Variants in SLC35F5 observed in about 807,000 individuals in gnomAD.
SLC35F5 encodes HCV NS5A-transactivated protein 3.
A neutral mutation model predicts 68.6 loss-of-function variants in SLC35F5; 54 were observed. The observed-to-expected ratio is 0.79, with a 90% CI of 0.63 to 0.99. The LOEUF is 0.99. SLC35F5 is among the 50% of genes least tolerant of loss of function. The pLI is 0.00. For synonymous variants in SLC35F5, 211 were observed against 205.2 expected, an observed-to-expected ratio of 1.03 and a Z score of -0.24; for missense variants, 567 against 626.9, an observed-to-expected ratio of 0.90 and a Z score of 1.02.
chr2:113,737,477 G>A (rs757612516), intron 7 of SLC35F5, among the ~76,000 whole-genome samples: 28 of 152,160 alleles, frequency 1.8e-4, no homozygotes, highest in Non-Finnish European at 3.7e-4. Context: ...TCTGCATGCC[G>A]ATGAAGTGCT....
Position 113,717,852 on chromosome 2 carries a change from T to C in SLC35F5, c.1497-2A>G. On this transcript the variant is annotated splice_acceptor_variant, in intron 14 of 15. Coordinates refer to ENST00000245680, the MANE Select transcript of SLC35F5 (RefSeq NM_025181.5). LOFTEE classifies it high-confidence loss of function. The stretch of plus-strand genomic sequence containing the variant: ...CACTGTTCGCTGTCTTCTGGAACTC[T>C]TAAGAAAAAAAAAAGCAGTAATTAA... 1.3e-6 allele frequency: 2 copies of C among 1,597,306 alleles called. No individual in the cohort carries two copies. Among genetic ancestry groups the C allele is most frequent in the Non-Finnish European group, 1.7e-6 (2 of 1,172,390 alleles).
intron 10 of SLC35F5, among the ~76,000 whole-genome samples, 174 bp from the exon 11 acceptor site, chr2:113,729,679 C>T (rs1277246154): frequency 6.6e-6 from 1 of 152,096 alleles, no homozygotes; most frequent in African/African-American, 2.4e-5. Flanking sequence ...GTATAGCCTA[C>T]CCCATCCAAG....
At chr2:113,705,645 TTAG>T (rs1377650254), downstream of SLC35F5, 1 of 152,166 alleles carries the variant, frequency 6.6e-6, no homozygotes, top group East Asian at 1.9e-4. Flanking sequence ...TTCAAAATAA[TTAG>T]TAGATGAAGA....
chr2:113,719,352 T>C (rs1189323315), intron 13 of SLC35F5, 44 bp from the exon 14 acceptor site: 6 of 1,494,914 alleles, frequency 4.0e-6, no homozygotes, highest in Non-Finnish European at 4.4e-6. Context: ...ACAATTATCA[T>C]TAAGGCAATT....
In SLC35F5 at chr2:113,750,435, T is replaced by G. The variant is rs1390668273; in HGVS notation, c.407A>C (p.His136Pro). The change falls in exon 4 of 16, where the codon CAT becomes CCT. Residue 136 changes from histidine (H) to proline (P), a missense_variant. By Grantham distance (77) the His-to-Pro change is moderately conservative. Transcript: ENST00000245680. ...QQCTRGLRGKHAAFFADAEGY... is the reference protein window; with the variant it reads ...QQCTRGLRGKPAAFFADAEGY... The stretch of plus-strand genomic sequence containing the variant: ...AAATTAAAAACTTACAAAAGCAGCA[T>G]GCTTTCCGCGAAGTCCTCTTGTACA... The G allele has an allele frequency of 2.5e-6, 4 of 1,598,998 alleles. No homozygotes were observed. The highest frequency in any genetic ancestry group is 3.4e-6 in the Non-Finnish European group (4 of 1,173,754).
At chr2:113,746,479 C>T in intron 4 of SLC35F5, 140 bp from the exon 5 acceptor site, 1 of 635,776 alleles carries the variant, frequency 1.6e-6, no homozygotes, top group Admixed American at 2.3e-5. Context: ...ATAATAGCAG[C>T]TAATGCCACA....
rs1478496318 is a variant in SLC35F5 at position 113,711,935 on chromosome 2, T to C, written c.*3283A>G. On this transcript the variant is annotated 3_prime_UTR_variant, in exon 16 of 16. Coordinates refer to ENST00000245680, the MANE Select transcript of SLC35F5 (RefSeq NM_025181.5). ...TTTCTTCAACCAGCACACTGAGGAT[T>C]AGTGCTATGGGTATTACCACAGTGC... 6.6e-6 allele frequency among the ~76,000 whole-genome samples: 1 copy of C among 152,226 alleles called. No individual in the cohort carries two copies. The highest frequency in any genetic ancestry group is 2.4e-5 in the African/African-American group (1 of 41,458).
At position 113,712,795 on chromosome 2, in the gene SLC35F5, T is replaced by A. The variant is rs1480425883; in HGVS notation, c.*2423A>T. 2 of 152,228 alleles carry A rather than the reference T, an allele frequency of 1.3e-5. No homozygotes were observed. Among genetic ancestry groups the A allele is most frequent in the African/African-American group, 4.8e-5 (2 of 41,470 alleles). 9.4% of individuals were successfully genotyped at this position (152,228 alleles called of 1,614,324 possible). A position where few individuals can be genotyped will look rare whatever the true frequency, so the allele number is the denominator to read the frequency against. On this transcript the variant is annotated 3_prime_UTR_variant, in exon 16 of 16. Transcript: ENST00000245680. ...AAAGAAAAGAAGGAGACTGAAAAGA[T>A]ATCAGAAATTTCTATTTGTTTTTAG...
chr2:113,725,090 T>C (rs1251371767), intron 12 of SLC35F5, among the ~76,000 whole-genome samples: 1 of 152,204 alleles, frequency 6.6e-6, no homozygotes, highest in Non-Finnish European at 1.5e-5. Flanking sequence ...TTCATTTGCA[T>C]AACACTCCAC....
chr2:113,751,915 T>TA (rs1224015211), intron 3 of SLC35F5, among the ~76,000 whole-genome samples: 3 of 150,444 alleles, frequency 2.0e-5, no homozygotes, highest in East Asian at 4.0e-4. Context: ...AAGAAAATGT[T>TA]AAAGATTAAT....
rs1260693096 is a variant in SLC35F5 at position 113,742,766 on chromosome 2, C to A, written c.676G>T (p.Glu226Ter). 1.2e-6 allele frequency: 2 copies of A among 1,614,084 alleles called. No individual in the cohort carries two copies. Residue 226 changes from glutamate to a stop codon, truncating the protein, a stop_gained, in exon 7 of 16, where the codon GAA (glutamate) becomes TAA (stop). Transcript: ENST00000245680. LOFTEE classifies it high-confidence loss of function. ...SRMSYPVKEQ[E>*]SILKTVGKLT... is the part of the protein sequence containing the mutation. ...TTCCCCACAGTTTTCAGTATGGATT[C>A]TTGTTCTTTCACAGGATATGACATG... is the stretch of plus-strand genomic sequence containing the variant.
intron 9 of SLC35F5, among the ~76,000 whole-genome samples, chr2:113,731,993 G>A (rs1404120581): frequency 1.3e-5 from 2 of 152,194 alleles, no homozygotes; most frequent in South Asian, 4.1e-4. Context: ...TTACTCCAGA[G>A]TCCAGTGCTT....
At position 113,711,133 on chromosome 2, in the gene SLC35F5, C is replaced by T. The variant is rs1686969387; in HGVS notation, c.*4085G>A. Among the ~76,000 whole-genome samples the T allele has an allele frequency of 1.3e-5, 2 of 152,136 alleles. No individual in the cohort carries two copies. Among genetic ancestry groups the T allele is most frequent in the Non-Finnish European group, 2.9e-5 (2 of 68,022 alleles). ...ATGGTGTCTTCATCTAGGTGCTTCT[C>T]CATCAAAATCCCTAGCTCAAAAATA... On this transcript the variant is annotated 3_prime_UTR_variant, in exon 16 of 16. Transcript: ENST00000245680.
chr2:113,743,389 C>T (rs1676360676), intron 6 of SLC35F5, among the ~76,000 whole-genome samples: 1 of 151,956 alleles, frequency 6.6e-6, no homozygotes, highest in Non-Finnish European at 1.5e-5. Context: ...TTATAATTTG[C>T]TATTAGGCTC....
intron 11 of SLC35F5, 97 bp downstream of exon 11, chr2:113,729,303 GA>G (rs3841578): frequency 0.24 from 142,235 of 581,126 alleles, 18,542 homozygotes; most frequent in Middle Eastern, 0.43. Context: ...TCATACGGAA[GA>G]AAAAAAAAGG....
intron 3 of SLC35F5, among the ~76,000 whole-genome samples, chr2:113,753,158 G>GTTTTTTTTTT (rs1264386762): frequency 2.9e-5 from 2 of 69,202 alleles, no homozygotes; most frequent in Non-Finnish European, 6.5e-5. Context: ...TATCTCCAAA[G>GTTTTTTTTTT]TTTGTTTTTC....
intron 7 of SLC35F5, among the ~76,000 whole-genome samples, chr2:113,737,070 A>G (rs974634740): frequency 1.3e-5 from 2 of 152,214 alleles, no homozygotes; most frequent in Non-Finnish European, 2.9e-5. Context: ...CAAGCAAACT[A>G]AACTAATGGC....
Position 113,711,383 on chromosome 2 carries a change from C to T in SLC35F5, c.*3835G>A, listed in dbSNP as rs2104952781. ...AAACACTATTTTTTAAATGTAGTAA[C>T]ATTAAAATATTAAAATATCCCGTTT... is the stretch of plus-strand genomic sequence containing the variant. On this transcript the variant is annotated 3_prime_UTR_variant, in exon 16 of 16. Transcript: ENST00000245680. Among the ~76,000 whole-genome samples, 1 of 152,168 alleles carries T rather than the reference C, an allele frequency of 6.6e-6. No individual in the cohort carries two copies. Among genetic ancestry groups the T allele is most frequent in the East Asian group, 1.9e-4 (1 of 5,184 alleles).
intron 7 of SLC35F5, 161 bp downstream of exon 7, chr2:113,742,531 A>AATTTTTTT: frequency 1.5e-6 from 1 of 669,162 alleles, no homozygotes; most frequent in Non-Finnish European, 2.5e-6. Context: ...GCATTTATTA[A>AATTTTTTT]TTTTGATACC....
Sources: allele counts gnomAD v4.1 joint callset (sites outside exome capture counted in the v4.1 genomes callset), GRCh38; gene constraint gnomAD v4.1.1; transcripts MANE v1.5; gene names NCBI Gene and HGNC (gene_info 2026-07-23, HGNC 2026-07-21).